The following CCDC32 variants were observed in gnomAD, a reference collection of about 807,000 sequenced individuals.
The protein encoded by CCDC32 is coiled-coil domain containing 32.
A neutral mutation model predicts 20.1 loss-of-function variants in CCDC32; 9 were observed. The ratio of observed to expected loss-of-function variants is 0.45; its 90% CI spans 0.27 to 0.78. The LOEUF (loss-of-function observed/expected upper bound fraction) is 0.78. Among genes scored for constraint, CCDC32 ranks in the 30% least tolerant of loss-of-function variants. CCDC32 has a pLI of 0.16. For synonymous variants in CCDC32, 63 were observed against 79.0 expected, an observed-to-expected ratio of 0.80 and a Z score of 1.07; for missense variants, 204 against 215.5, an observed-to-expected ratio of 0.95 and a Z score of 0.33.
downstream of CCDC32, among the ~76,000 whole-genome samples, chr15:40,528,173 T>C (rs1170687365): frequency 1.3e-5 from 2 of 152,182 alleles, no homozygotes; most frequent in Non-Finnish European, 2.9e-5. Flanking sequence ...ATGGGGAAGA[T>C]TCGGATTTGG....
chr15:40,561,485 CAA>C (rs1241223418), intron 2 of CCDC32, among the ~76,000 whole-genome samples: 2 of 145,700 alleles, frequency 1.4e-5, no homozygotes, highest in African/African-American at 5.2e-5. Context: ...AAAAAAAAAA[CAA>C]AACAACAACC....
chr15:40,535,272 AAC>A (rs1389559397), downstream of CCDC32: 2 of 1,349,326 alleles, frequency 1.5e-6, no homozygotes. Context: ...AATTAAATGA[AAC>A]AGCCCAAACT....
intron 2 of CCDC32, among the ~76,000 whole-genome samples, chr15:40,558,295 C>T (rs969052296): frequency 6.6e-6 from 1 of 152,066 alleles, no homozygotes; most frequent in African/African-American, 2.4e-5. Context: ...ACCCACTGAT[C>T]AAAACAAATA....
In CCDC32 at chr15:40,553,117, T is replaced by C; in HGVS notation, c.*854A>G. On this transcript the variant is annotated 3_prime_UTR_variant, in exon 4 of 4. Transcript: ENST00000416810. ...ACTGCTATTCCGTTGAGAAAAGTTT[T>C]ATATGGAAACACATACTGATCATGA... The C allele has an allele frequency of 1.0e-6, 1 of 985,394 alleles. No individual in the cohort carries two copies. Among genetic ancestry groups the C allele is most frequent in the Non-Finnish European group, 1.2e-6 (1 of 829,910 alleles). The allele number at this position is 985,394 out of a possible 1,614,324, so 61.0% of individuals were successfully genotyped here. A position where few individuals can be genotyped will look rare whatever the true frequency, so the allele number is the denominator to read the frequency against.
intron 3 of CCDC32, among the ~76,000 whole-genome samples, chr15:40,539,848 A>C (rs1889306226): frequency 6.7e-6 from 1 of 149,030 alleles, no homozygotes; most frequent in South Asian, 2.1e-4. Context: ...TGCCACACAC[A>C]CACACACACA....
downstream of CCDC32, among the ~76,000 whole-genome samples, chr15:40,528,378 G>A (rs1040219573): frequency 7.2e-5 from 11 of 152,238 alleles, no homozygotes; most frequent in Non-Finnish European, 1.3e-4. Flanking sequence ...GAAGGGAAGA[G>A]TAGCAGAGGC....
chr15:40,525,889 T>C (rs1894894546), downstream of CCDC32, among the ~76,000 whole-genome samples: 1 of 151,696 alleles, frequency 6.6e-6, no homozygotes, highest in African/African-American at 2.4e-5. Flanking sequence ...CTTTGGTGTC[T>C]CTCCTTAGGT....
chr15:40,522,443 C>G, the CCDC32 span, among the ~76,000 whole-genome samples: 1 of 152,244 alleles, frequency 6.6e-6, no homozygotes, highest in South Asian at 2.1e-4. Context: ...ATTCTGGATT[C>G]CTGGAATTTC....
At chr15:40,551,248 G>C (rs536237179), downstream of CCDC32, among the ~76,000 whole-genome samples, 2 of 152,186 alleles carry the variant, frequency 1.3e-5, no homozygotes, top group African/African-American at 4.8e-5. Flanking sequence ...CGGGCGTGGT[G>C]GTGGGCGCCT....
intron 2 of CCDC32, among the ~76,000 whole-genome samples, chr15:40,560,977 T>A (rs1425152054): frequency 6.6e-6 from 1 of 152,164 alleles, no homozygotes; most frequent in Non-Finnish European, 1.5e-5. Flanking sequence ...CATCGAGCAA[T>A]GAGTAGATAA....
At chr15:40,533,822 C>G (rs1202008122), downstream of CCDC32, among the ~76,000 whole-genome samples, 2 of 151,144 alleles carry the variant, frequency 1.3e-5, no homozygotes, top group African/African-American at 2.4e-5. Flanking sequence ...TGGGGTAGAC[C>G]ACACCGAGAA....
rs180798836 is a variant in CCDC32, at chr15:40,556,168, T to C, written c.401+1048A>G. On this transcript the variant is annotated intron_variant, in intron 3 of 3. Coordinates refer to ENST00000416810, the MANE Select transcript of CCDC32 (RefSeq NM_001080792.4). ...GAGTGTCGAGCCCCATTCCTGCTCA[T>C]TGTGGCAGGGCAGCATGCCCTCTCT... 4.5e-3 allele frequency among the ~76,000 whole-genome samples: 692 copies of C among 152,312 alleles called. 13 individuals carry two copies. The highest frequency in any genetic ancestry group is 0.016 in the African/African-American group (656 of 41,576).
At chr15:40,529,577 C>T (rs1308848167) in intron 3 of CCDC32, 1 of 151,706 alleles carries the variant, frequency 6.6e-6, no homozygotes, top group South Asian at 2.1e-4. Context: ...TGAGTACTCT[C>T]TTCCCGCAGT....
chr15:40,564,086 C>G (rs1475965154), intron 1 of CCDC32, among the ~76,000 whole-genome samples: 1 of 152,162 alleles, frequency 6.6e-6, no homozygotes, highest in Non-Finnish European at 1.5e-5. Context: ...TCCCAAAGTG[C>G]TGGGATTACA....
rs575083421 is a variant in CCDC32 at position 40,560,064 on chromosome 15, C to T, written c.245-2692G>A. On this transcript the variant is annotated intron_variant, in intron 2 of 3. Coordinates refer to ENST00000416810, the MANE Select transcript of CCDC32 (RefSeq NM_001080792.4). The stretch of plus-strand genomic sequence containing the variant: ...TCGCTCTGTTGCCCAGGCTAGAGTG[C>T]AGTGGTGCGATTTCAGCTCACTGCA... Among the ~76,000 whole-genome samples the T allele has an allele frequency of 3.3e-5, 5 of 152,294 alleles. No homozygotes were observed. The South Asian group carries it at 1.0e-3, about 32-fold the overall frequency.
chr15:40,545,546 G>A (rs1889583931), intron 3 of CCDC32, among the ~76,000 whole-genome samples: 1 of 152,182 alleles, frequency 6.6e-6, no homozygotes, highest in South Asian at 2.1e-4. Flanking sequence ...ACATCTCTCT[G>A]CCACACATTG....
intron 1 of CCDC32, chr15:40,564,733 T>C: frequency 6.2e-7 from 1 of 1,614,098 alleles, no homozygotes; most frequent in Non-Finnish European, 8.5e-7. Flanking sequence ...CCCGAATTCG[T>C]CTAAAGCCAC....
At chr15:40,525,964 G>C (rs1555413142), downstream of CCDC32, among the ~76,000 whole-genome samples, 1 of 148,742 alleles carries the variant, frequency 6.7e-6, no homozygotes, top group African/African-American at 2.5e-5. Flanking sequence ...TTCTCTCCAT[G>C]ACCTGCAAGT....
At chr15:40,528,836 A>C in intron 3 of CCDC32, 1 of 689,972 alleles carries the variant, frequency 1.4e-6, no homozygotes, top group Non-Finnish European at 2.6e-6. Flanking sequence ...AAAACCCCTC[A>C]ACAGTCCTCT....
Sources: allele counts gnomAD v4.1 joint callset (sites outside exome capture counted in the v4.1 genomes callset), GRCh38; gene constraint gnomAD v4.1.1; transcripts MANE v1.5; gene names NCBI Gene and HGNC (gene_info 2026-07-23, HGNC 2026-07-21).